RORA: variants seen among roughly 807,000 people sequenced by gnomAD.
RORA encodes nuclear receptor ROR-alpha.
A neutral mutation model predicts 69.5 loss-of-function variants in RORA; 7 were observed. The observed-to-expected ratio is 0.10, with a 90% CI of 0.06 to 0.19. The LOEUF is 0.19. Among genes scored for constraint, RORA ranks in the 10% least tolerant of loss-of-function variants. The pLI, the probability that RORA is intolerant of heterozygous loss-of-function variation, is 1.00. For synonymous variants in RORA, 261 were observed against 240.8 expected (o/e 1.08, Z -0.78); for missense variants, 457 against 663.0 (o/e 0.69, Z 3.41).
chr15:60,812,009 T>C (rs1184943299), intron 1 of RORA, among the ~76,000 whole-genome samples: 2 of 152,182 alleles, frequency 1.3e-5, no homozygotes, highest in Non-Finnish European at 2.9e-5. Context: ...GCAGTAGCAT[T>C]CTTTAGTTTT....
chr15:60,690,823 G>A (rs538878696), intron 1 of RORA, among the ~76,000 whole-genome samples: 35 of 152,226 alleles, frequency 2.3e-4, no homozygotes, highest in African/African-American at 7.7e-4. Context: ...GCCTGGACGC[G>A]TTGAAGTCTT....
intron 1 of RORA, among the ~76,000 whole-genome samples, chr15:60,819,769 A>ACACACACACACGCGCG (rs1555455778): frequency 1.3e-5 from 2 of 150,046 alleles, no homozygotes; most frequent in East Asian, 3.9e-4. Flanking sequence ...ACACACACAC[A>ACACACACACACGCGCG]CACACACACA....
rs1439811374 is a variant in RORA at position 61,061,523 on chromosome 15, C to A, written c.166+167530G>T. ...TAGGCCAGGATAGACAAACTTCTGACCTCGCCCCTCATTCTAAAGTGTAAT... is the reference window on the plus strand; with the variant it reads ...TAGGCCAGGATAGACAAACTTCTGAACTCGCCCCTCATTCTAAAGTGTAAT... On this transcript the variant is annotated intron_variant, in intron 1 of 10. Coordinates refer to ENST00000335670, the MANE Select transcript of RORA (RefSeq NM_134261.3). The surrounding 1 kb of genome is among the most constrained non-coding windows in gnomAD (Gnocchi z 4.4). 2.6e-5 allele frequency among the ~76,000 whole-genome samples: 4 copies of A among 152,084 alleles called. No homozygotes were observed. The highest frequency in any genetic ancestry group is 5.9e-5 in the Non-Finnish European group (4 of 67,998).
chr15:61,116,972 C>A (rs1226273081), intron 1 of RORA, among the ~76,000 whole-genome samples: 1 of 152,058 alleles, frequency 6.6e-6, no homozygotes, highest in Non-Finnish European at 1.5e-5. Context: ...TCTCATCTTG[C>A]CCATTATTCA....
At chr15:60,648,087 G>C (rs2140689245) in intron 2 of RORA, among the ~76,000 whole-genome samples, 1 of 152,376 alleles carries the variant, frequency 6.6e-6, no homozygotes, top group Non-Finnish European at 1.5e-5. Flanking sequence ...TGAGGGAGGA[G>C]GAGGAGGGCA....
intron 3 of RORA, among the ~76,000 whole-genome samples, chr15:60,514,959 TC>T (rs903616629): frequency 1.6e-4 from 25 of 152,250 alleles, no homozygotes; most frequent in African/African-American, 5.8e-4. Context: ...TAATCCTCCA[TC>T]CCTTATACCT....
At chr15:60,721,371 T>C (rs1003063286) in intron 1 of RORA, among the ~76,000 whole-genome samples, 2 of 152,152 alleles carry the variant, frequency 1.3e-5, no homozygotes, top group Non-Finnish European at 2.9e-5. Flanking sequence ...AAGTCACAAA[T>C]AGATAAGAGG....
rs117333985 is a variant in RORA at position 60,902,113 on chromosome 15, A to G, written c.167-223427T>C. Reference sequence around the variant, plus strand: ...ATTATAGATAAAGCTGAATAATATGACTTGTTTTAATACAGTTCTAACTCG... The same window carrying G: ...ATTATAGATAAAGCTGAATAATATGGCTTGTTTTAATACAGTTCTAACTCG... On this transcript the variant is annotated intron_variant, in intron 1 of 10. Coordinates refer to ENST00000335670, the MANE Select transcript of RORA (RefSeq NM_134261.3). Among the ~76,000 whole-genome samples, 423 of 152,262 alleles carry G rather than the reference A, an allele frequency of 2.8e-3. 3 individuals are homozygous for G. The highest frequency in any genetic ancestry group is 6.8e-3 in the Middle Eastern group (2 of 294).
At chr15:60,987,923 C>T (rs773554721) in intron 1 of RORA, among the ~76,000 whole-genome samples, 20 of 152,196 alleles carry the variant, frequency 1.3e-4, no homozygotes, top group Non-Finnish European at 2.6e-4. Flanking sequence ...GCTCTCCACA[C>T]AGAAGGGGCT....
intron 1 of RORA, among the ~76,000 whole-genome samples, chr15:61,149,238 T>G (rs1176682052): frequency 6.6e-6 from 1 of 152,202 alleles, no homozygotes; most frequent in Admixed American, 6.5e-5. Context: ...ACTGAAGGTC[T>G]GCAGAGCCAT....
intron 5 of RORA, among the ~76,000 whole-genome samples, chr15:60,506,533 GAAAA>G (rs540540745): frequency 6.6e-6 from 1 of 152,178 alleles, no homozygotes; most frequent in African/African-American, 2.4e-5. Flanking sequence ...AGAAGAGAAA[GAAAA>G]AAGTAATTGA....
intron 1 of RORA, among the ~76,000 whole-genome samples, chr15:60,976,668 C>G (rs1226948064): frequency 6.6e-6 from 1 of 152,156 alleles, no homozygotes; most frequent in Non-Finnish European, 1.5e-5. Flanking sequence ...AGGGAAGGTG[C>G]TAATCATCTC....
In RORA at chr15:61,159,126, C is replaced by T. The variant is rs147860513; in HGVS notation, c.166+69927G>A. ...ACTCTGATTTAAGAACAACTTCCTA[C>T]CCTTTGTTAACTGGAAAATAATCAG... On this transcript the variant is annotated intron_variant, in intron 1 of 10. Coordinates refer to ENST00000335670, the MANE Select transcript of RORA (RefSeq NM_134261.3). Among the ~76,000 whole-genome samples, 504 of 152,204 alleles carry T rather than the reference C, an allele frequency of 3.3e-3. 5 individuals carry two copies. Among genetic ancestry groups the T allele is most frequent in the African/African-American group, 0.012 (490 of 41,530 alleles).
intron 3 of RORA, among the ~76,000 whole-genome samples, chr15:60,518,341 C>G (rs1031538780): frequency 6.6e-6 from 1 of 152,228 alleles, no homozygotes; most frequent in South Asian, 2.1e-4. Flanking sequence ...TATTAATCAT[C>G]AGTTAGCTCT....
rs549545889 is a variant in RORA at position 60,493,802 on chromosome 15, A to C, written c.*3653T>G. On this transcript the variant is annotated 3_prime_UTR_variant, in exon 11 of 11. Transcript: ENST00000335670. ...GGTTAAAAAAATAGAAGTCTCTCTA[A>C]AGTGGTCCAGACAAGGCTTTGTATA... 2.0e-5 allele frequency: 3 copies of C among 152,318 alleles called. No individual in the cohort carries two copies. In the South Asian group the frequency reaches 6.2e-4, roughly 32 times the overall value. The allele number at this position is 152,318 out of a possible 1,614,324, so 9.4% of individuals were successfully genotyped here.
intron 2 of RORA, among the ~76,000 whole-genome samples, chr15:60,538,106 G>T (rs2066736048): frequency 6.6e-6 from 1 of 152,122 alleles, no homozygotes; most frequent in South Asian, 2.1e-4. Context: ...TTTTGATGTA[G>T]ACATAGCCAC....
chr15:60,789,909 C>G (rs543724610), intron 1 of RORA, among the ~76,000 whole-genome samples: 3 of 152,240 alleles, frequency 2.0e-5, no homozygotes, highest in Non-Finnish European at 2.9e-5. Flanking sequence ...TTTGGGGTGC[C>G]CAGTCTGTGA....
At chr15:60,970,460 G>A (rs988733905) in intron 1 of RORA, among the ~76,000 whole-genome samples, 1 of 152,148 alleles carries the variant, frequency 6.6e-6, no homozygotes, top group African/African-American at 2.4e-5. Flanking sequence ...TGAGGTCCTG[G>A]GGATATAGAA....
intron 1 of RORA, among the ~76,000 whole-genome samples, chr15:60,939,790 C>T (rs967859198): frequency 3.3e-5 from 5 of 152,292 alleles, no homozygotes; most frequent in East Asian, 1.9e-4. Flanking sequence ...TGTTTATGCA[C>T]GGGACAGTGC....
Sources: allele counts gnomAD v4.1 joint callset (sites outside exome capture counted in the v4.1 genomes callset), GRCh38; gene constraint gnomAD v4.1.1; non-coding constraint Gnocchi (gnomAD v3.1); transcripts MANE v1.5; gene names NCBI Gene and HGNC (gene_info 2026-07-23, HGNC 2026-07-21).